CSMD1: variants seen among roughly 807,000 people sequenced by gnomAD.
The protein encoded by CSMD1 is CUB and Sushi multiple domains 1, also known as CUB and sushi domain-containing protein 1.
CSMD1 carries 213 observed loss-of-function variants against 417.5 expected under a neutral mutation model. That is an observed-to-expected ratio of 0.51 (90% CI 0.46 to 0.57). The LOEUF is 0.57. Ranked by LOEUF, CSMD1 falls within the 20% of genes least tolerant of loss-of-function variation. The probability of loss-of-function intolerance (pLI) is 0.00; values close to 1 mark genes in which losing one functional copy is unlikely to be tolerated. For synonymous variants in CSMD1, 2,862 were observed against 1,736.8 expected, an observed-to-expected ratio of 1.65 and a Z score of -16.11; for missense variants, 6,923 against 4,529.7, an observed-to-expected ratio of 1.53 and a Z score of -15.17.
intron 54 of CSMD1, among the ~76,000 whole-genome samples, chr8:2,996,833 A>G (rs1392987885): frequency 1.3e-5 from 2 of 152,240 alleles, no homozygotes; most frequent in African/African-American, 4.8e-5. Context: ...AACAAACACA[A>G]ATACAATGAA....
At chr8:4,732,176 C>A (rs293888) in intron 1 of CSMD1, among the ~76,000 whole-genome samples, 11 of 151,834 alleles carry the variant, frequency 7.2e-5, no homozygotes, top group African/African-American at 2.4e-4. Context: ...CAAAAGCGTT[C>A]GGTAGCAGAC....
At chr8:4,848,044 G>A (rs990416574) in intron 1 of CSMD1, among the ~76,000 whole-genome samples, 14 of 152,048 alleles carry the variant, frequency 9.2e-5, no homozygotes, top group African/African-American at 2.4e-4. Flanking sequence ...TTCCCTGTTG[G>A]GGACATTTCC....
chr8:2,974,309 G>T, intron 56 of CSMD1, 142 bp downstream of exon 56: 1 of 712,604 alleles, frequency 1.4e-6, no homozygotes, highest in Non-Finnish European at 2.2e-6. Context: ...CGGCGTATTT[G>T]GCTAGAAATG....
intron 5 of CSMD1, among the ~76,000 whole-genome samples, chr8:3,874,709 C>A (rs1415057681): frequency 6.6e-6 from 1 of 152,052 alleles, no homozygotes; most frequent in Non-Finnish European, 1.5e-5. Context: ...ACAACAAATG[C>A]GACTGGCGCC....
intron 5 of CSMD1, among the ~76,000 whole-genome samples, chr8:3,986,728 C>G (rs1814346850): frequency 6.6e-6 from 1 of 151,880 alleles, no homozygotes; most frequent in Non-Finnish European, 1.5e-5. Flanking sequence ...TTCAGTTTTG[C>G]TCAAAGGCCT....
intron 3 of CSMD1, among the ~76,000 whole-genome samples, chr8:4,091,741 T>C (rs545983040): frequency 3.3e-4 from 51 of 152,322 alleles, no homozygotes; most frequent in African/African-American, 1.2e-3. Flanking sequence ...CTGGTGTGTA[T>C]AAATGTATCC....
At chr8:3,894,719 G>C (rs571254498) in intron 5 of CSMD1, among the ~76,000 whole-genome samples, 1 of 152,220 alleles carries the variant, frequency 6.6e-6, no homozygotes, top group South Asian at 2.1e-4. Flanking sequence ...ATATGAATTA[G>C]TTTCTTGATT....
intron 5 of CSMD1, among the ~76,000 whole-genome samples, chr8:3,861,914 G>A (rs1008586272): frequency 6.6e-6 from 1 of 152,084 alleles, no homozygotes; most frequent in Non-Finnish European, 1.5e-5. Flanking sequence ...CTGCATTCCA[G>A]GATTTCCTTG....
Position 4,450,809 on chromosome 8 carries a change from G to C in CSMD1, c.303-30744C>G, listed in dbSNP as rs866024153. ...TTTCATTTTGCTTTCATTTACGAGA[G>C]GCATAAACATACTGCACTTGTGAGT... On this transcript the variant is annotated intron_variant, in intron 2 of 69. Transcript: ENST00000635120. Among the ~76,000 whole-genome samples the C allele has an allele frequency of 2.6e-5, 4 of 152,240 alleles. No individual in the cohort carries two copies. In the Middle Eastern group the frequency reaches 0.01, roughly 388 times the overall value.
At chr8:4,414,021 G>T (rs564111858) in intron 3 of CSMD1, among the ~76,000 whole-genome samples, 5 of 152,040 alleles carry the variant, frequency 3.3e-5, no homozygotes, top group African/African-American at 1.2e-4. Context: ...CTCTTCTTGT[G>T]CTAGCACGTT....
intron 53 of CSMD1, among the ~76,000 whole-genome samples, chr8:2,999,206 G>T (rs1220973978): frequency 6.8e-6 from 1 of 146,240 alleles, no homozygotes; most frequent in Non-Finnish European, 1.5e-5. Flanking sequence ...CCAGGCTGGG[G>T]TGCAGCGGCA....
rs567290931 is a variant in CSMD1, at chr8:4,141,676, G to A, written c.416-109577C>T. ...ATCTCCAGATCTCTAAACTTCTCCA[G>A]AAATTGCTTAAATTTTGGAGAGCAG... On this transcript the variant is annotated intron_variant, in intron 3 of 69. Transcript: ENST00000635120. Among the ~76,000 whole-genome samples the A allele has an allele frequency of 9.3e-5, 14 of 150,990 alleles. No homozygotes were observed. In the South Asian group the frequency reaches 2.1e-3, roughly 22 times the overall value.
intron 5 of CSMD1, among the ~76,000 whole-genome samples, chr8:3,978,989 C>T (rs555346518): frequency 6.6e-6 from 1 of 152,298 alleles, no homozygotes; most frequent in South Asian, 2.1e-4. Context: ...TTGCATTTTA[C>T]AACAATTGGA....
At position 4,923,496 on chromosome 8, in the gene CSMD1, C is replaced by G. The variant is rs187746832; in HGVS notation, c.85+70836G>C. Among the ~76,000 whole-genome samples the G allele has an allele frequency of 6.9e-4, 105 of 151,192 alleles. 1 individual carries two copies. Among genetic ancestry groups the G allele is most frequent in the African/African-American group, 2.5e-3 (104 of 41,220 alleles). On this transcript the variant is annotated intron_variant, in intron 1 of 69. Coordinates refer to ENST00000635120, the MANE Select transcript of CSMD1 (RefSeq NM_033225.6). ...TGTCAAAACATCTTATGTACTTTCT[C>G]TCTAAATATAAATAAACACACATAT...
chr8:3,082,969 G>T (rs1202013101), intron 49 of CSMD1, among the ~76,000 whole-genome samples: 1 of 152,316 alleles, frequency 6.6e-6, no homozygotes, highest in East Asian at 1.9e-4. Flanking sequence ...GCTGATTTGG[G>T]TGGCGAAGAC....
At chr8:4,001,699 A>T (rs988277242) in intron 4 of CSMD1, among the ~76,000 whole-genome samples, 3 of 152,178 alleles carry the variant, frequency 2.0e-5, no homozygotes, top group Non-Finnish European at 4.4e-5. Flanking sequence ...GAATGAGTGG[A>T]TCATGGAGAC....
At chr8:3,915,405 C>CAGAAAAAAAAAAAAAAAAAAAA (rs1554484704) in intron 5 of CSMD1, among the ~76,000 whole-genome samples, 2 of 76,294 alleles carry the variant, frequency 2.6e-5, no homozygotes, top group Non-Finnish European at 2.6e-5. Context: ...GACTCTGTCT[C>CAGAAAAAAAAAAAAAAAAAAAA]AAAAAAAAAA....
At chr8:3,394,023 TATA>T (rs1563342337) in intron 17 of CSMD1, among the ~76,000 whole-genome samples, 1,913 of 96,098 alleles carry the variant, frequency 0.02, 99 homozygotes, top group Non-Finnish European at 0.022. Flanking sequence ...TATATATATA[TATA>T]TATATATATA....
intron 3 of CSMD1, among the ~76,000 whole-genome samples, chr8:4,402,997 T>A (rs772843367): frequency 3.3e-4 from 50 of 151,546 alleles, no homozygotes; most frequent in Non-Finnish European, 2.8e-4. Context: ...TTTTCTTTTG[T>A]TGTTGTTGTT....
Sources: allele counts gnomAD v4.1 joint callset (sites outside exome capture counted in the v4.1 genomes callset), GRCh38; gene constraint gnomAD v4.1.1; transcripts MANE v1.5; gene names NCBI Gene and HGNC (gene_info 2026-07-23, HGNC 2026-07-21).